PTPRD: variants seen among roughly 807,000 people sequenced by gnomAD.
The protein encoded by PTPRD is protein tyrosine phosphatase receptor type D.
Under a neutral mutation model 214.5 loss-of-function variants are expected in PTPRD, and 34 were observed. That is an observed-to-expected ratio of 0.16 (90% confidence interval 0.12 to 0.21). PTPRD has a LOEUF of 0.21. Ranked by LOEUF, PTPRD falls within the 10% of genes least tolerant of loss-of-function variation. The probability of loss-of-function intolerance (pLI) is 1.00; values close to 1 mark genes in which losing one functional copy is unlikely to be tolerated. For synonymous variants in PTPRD, 1,128 were observed against 845.7 expected (o/e 1.33, Z -5.79); for missense variants, 2,545 against 2,398.7 (o/e 1.06, Z -1.27).
chr9:9,855,405 T>C (rs1291663896), intron 5 of PTPRD, among the ~76,000 whole-genome samples: 1 of 152,130 alleles, frequency 6.6e-6, no homozygotes, highest in East Asian at 1.9e-4. Context: ...TCTCTCTACT[T>C]TGCCACATCA....
intron 11 of PTPRD, chr9:8,958,745 T>G (rs1237301346): frequency 6.6e-6 from 1 of 152,034 alleles, no homozygotes; most frequent in African/African-American, 2.4e-5. Context: ...AAAGAGTCTC[T>G]CAGCATTTCT....
chr9:8,947,742 T>C (rs955392423), intron 11 of PTPRD, among the ~76,000 whole-genome samples: 13 of 152,172 alleles, frequency 8.5e-5, no homozygotes, highest in African/African-American at 2.7e-4. Context: ...TATGTACATG[T>C]TCTGTATTCC....
At chr9:9,138,363 A>AATGACTGTT (rs2099854313) in intron 10 of PTPRD, among the ~76,000 whole-genome samples, 1 of 152,132 alleles carries the variant, frequency 6.6e-6, no homozygotes, top group African/African-American at 2.4e-5. Flanking sequence ...AGAAGTTCTC[A>AATGACTGTT]ATGACTGTTA....
At chr9:8,474,533 G>A (rs1273970833) in intron 30 of PTPRD, among the ~76,000 whole-genome samples, 1 of 152,182 alleles carries the variant, frequency 6.6e-6, no homozygotes. Context: ...GCACAGGGCA[G>A]AATAATGCCA....
intron 2 of PTPRD, among the ~76,000 whole-genome samples, chr9:10,609,778 A>G (rs1217077669): frequency 6.6e-6 from 1 of 152,180 alleles, no homozygotes; most frequent in African/African-American, 2.4e-5. Flanking sequence ...GTATTTAGTA[A>G]ATAGTAATCA....
chr9:8,773,043 A>G (rs1038297903), intron 11 of PTPRD, among the ~76,000 whole-genome samples: 1 of 152,074 alleles, frequency 6.6e-6, no homozygotes, highest in Non-Finnish European at 1.5e-5. Flanking sequence ...GAATTACTCT[A>G]TGAATGTACT....
intron 2 of PTPRD, among the ~76,000 whole-genome samples, chr9:10,463,120 A>G (rs929780118): frequency 6.6e-6 from 1 of 151,980 alleles, no homozygotes; most frequent in Non-Finnish European, 1.5e-5. Context: ...TGTTGAGTTG[A>G]AAATGGGTTC....
chr9:10,266,271 C>A (rs2475347), intron 3 of PTPRD, among the ~76,000 whole-genome samples: 1 of 151,562 alleles, frequency 6.6e-6, no homozygotes, highest in Non-Finnish European at 1.5e-5. Context: ...ATTAAAATAG[C>A]CCTTGAAAAT....
chr9:10,023,273 T>C (rs966239541), intron 4 of PTPRD, among the ~76,000 whole-genome samples: 4 of 152,174 alleles, frequency 2.6e-5, no homozygotes, highest in Non-Finnish European at 5.9e-5. Flanking sequence ...CAACAATTTA[T>C]CTTCAAACTT....
rs529046327 is a variant in PTPRD, at chr9:10,028,731, C to G, written c.-472+4987G>C. 5.3e-5 allele frequency among the ~76,000 whole-genome samples: 8 copies of G among 152,228 alleles called. No individual in the cohort carries two copies. The South Asian group carries it at 1.5e-3, about 28-fold the overall frequency. On this transcript the variant is annotated intron_variant, in intron 4 of 45. Coordinates refer to ENST00000381196, the MANE Select transcript of PTPRD (RefSeq NM_002839.4). ...AGAAATTTCTAAGCAGTAAAGCATT[C>G]AAGAGGTGACTTGGGTGCTGTTAAA...
chr9:10,476,463 A>G lies in PTPRD; in HGVS notation c.-599-135446T>C, dbSNP rs145372345. On this transcript the variant is annotated intron_variant, in intron 2 of 45. Transcript: ENST00000381196. ...AAGGACCTCTTCAAGGAGAACTACA[A>G]TCCACTACTAAAGGAAGTAAAAGAG... Among the ~76,000 whole-genome samples, 34 of 152,266 alleles carry G rather than the reference A, an allele frequency of 2.2e-4. No individual in the cohort carries two copies. In the East Asian group the frequency reaches 5.2e-3, roughly 23 times the overall value.
At chr9:8,918,852 G>A (rs971957394) in intron 11 of PTPRD, among the ~76,000 whole-genome samples, 1 of 152,014 alleles carries the variant, frequency 6.6e-6, no homozygotes, top group East Asian at 1.9e-4. Flanking sequence ...CCATTTGCAC[G>A]GGCTAATTTC....
At chr9:9,231,601 T>C (rs1190376760) in intron 9 of PTPRD, among the ~76,000 whole-genome samples, 1 of 152,156 alleles carries the variant, frequency 6.6e-6, no homozygotes, top group Non-Finnish European at 1.5e-5. Context: ...CTATATATAA[T>C]TAGGTATATG....
Position 9,212,911 on chromosome 9 carries a change from C to T in PTPRD, c.-202-29548G>A, listed in dbSNP as rs12335634. Reference sequence around the variant, plus strand: ...TGTGACTTGAGGTCATTTGAACTCCCGTGCCTTTGGTTTATCACTGTAACT... The same window carrying T: ...TGTGACTTGAGGTCATTTGAACTCCTGTGCCTTTGGTTTATCACTGTAACT... On this transcript the variant is annotated intron_variant, in intron 9 of 45. Coordinates refer to ENST00000381196, the MANE Select transcript of PTPRD (RefSeq NM_002839.4). 1.4e-4 allele frequency among the ~76,000 whole-genome samples: 22 copies of T among 152,138 alleles called. No individual in the cohort carries two copies. In the East Asian group the frequency reaches 3.9e-3, roughly 27 times the overall value.
Position 8,553,039 on chromosome 9 carries a change from G to A in PTPRD, c.353-24260C>T, listed in dbSNP as rs969072104. On this transcript the variant is annotated intron_variant, in intron 14 of 45. Coordinates refer to ENST00000381196, the MANE Select transcript of PTPRD (RefSeq NM_002839.4). Reference sequence around the variant, plus strand: ...GAGACAGTATAAATCACTTGAGCTGGCCCAGACTAGAATAACTGCCCAGCT... The same window carrying A: ...GAGACAGTATAAATCACTTGAGCTGACCCAGACTAGAATAACTGCCCAGCT... 2.0e-5 allele frequency among the ~76,000 whole-genome samples: 3 copies of A among 152,106 alleles called. No homozygotes were observed. The East Asian group carries it at 5.8e-4, about 29-fold the overall frequency.
At chr9:9,821,151 G>A (rs1464439021) in intron 5 of PTPRD, among the ~76,000 whole-genome samples, 2 of 151,918 alleles carry the variant, frequency 1.3e-5, no homozygotes, top group South Asian at 4.1e-4. Flanking sequence ...TTTCTGTTAA[G>A]TATTTTTGTG....
chr9:10,303,244 T>G (rs1205972693), intron 3 of PTPRD, among the ~76,000 whole-genome samples: 1 of 152,158 alleles, frequency 6.6e-6, no homozygotes, highest in Admixed American at 6.5e-5. Context: ...CCAGAATCTC[T>G]GGGACACATT....
rs1449887295 is a variant in PTPRD at position 8,359,117 on chromosome 9, AAAAAACAAAAAAAAAAAAAAAC to A, written c.4661+16797_4661+16818del. Among the ~76,000 whole-genome samples, 10 of 16,998 alleles carry A rather than the reference AAAAAACAAAAAAAAAAAAAAAC, an allele frequency of 5.9e-4. 1 individual carries two copies. Among genetic ancestry groups the A allele is most frequent in the African/African-American group, 9.2e-4 (9 of 9,798 alleles). The allele number at this position is 16,998 out of a possible 152,430, so 11.2% of individuals were successfully genotyped here. A position where few individuals can be genotyped will look rare whatever the true frequency, so the allele number is the denominator to read the frequency against. On this transcript the variant is annotated intron_variant, in intron 39 of 45. Transcript: ENST00000381196. ...AGCGAGACTCCGTCTCAAAAAAAAAAAAAAACAAAAAAAAAAAAAAACAAAAAAAAATTGAATCAGATTTTAG... is the reference window on the plus strand; with the variant it reads ...AGCGAGACTCCGTCTCAAAAAAAAAAAAAAAAAAATTGAATCAGATTTTAG...
At chr9:8,727,155 C>T (rs1466059208) in intron 12 of PTPRD, among the ~76,000 whole-genome samples, 2 of 152,130 alleles carry the variant, frequency 1.3e-5, no homozygotes, top group African/African-American at 4.8e-5. Flanking sequence ...GATAATTGTT[C>T]CATCCTTAGA....
Sources: gnomAD v4.1 joint callset for allele counts (sites outside exome capture counted in the v4.1 genomes callset) on GRCh38, gnomAD v4.1.1 for gene constraint, MANE v1.5 for transcripts, NCBI Gene and HGNC (gene_info 2026-07-23, HGNC 2026-07-21) for gene names.